Variants in TLN2 observed in about 807,000 individuals in gnomAD.
TLN2 encodes the protein talin-2.
In TLN2, 118 loss-of-function variants were observed where a neutral mutation model predicts 294.7. That is an observed-to-expected ratio of 0.40 (90% CI 0.34 to 0.47). The LOEUF is 0.47. Ranked by LOEUF, TLN2 falls within the 20% of genes least tolerant of loss-of-function variation. The pLI, the probability that TLN2 is intolerant of heterozygous loss-of-function variation, is 0.84. For missense variants in TLN2, 3,083 were observed against 3,282.2 expected (o/e 0.94, Z 1.48); for synonymous variants, 1,431 against 1,304.5 (o/e 1.10, Z -2.09).
chr15:62,635,051 G>C (rs1468337578), intron 3 of TLN2, among the ~76,000 whole-genome samples: 1 of 152,168 alleles, frequency 6.6e-6, no homozygotes, highest in African/African-American at 2.4e-5. Context: ...TGGATGGCAG[G>C]ATGGTTCTGT....
intron 9 of TLN2, among the ~76,000 whole-genome samples, chr15:62,667,861 T>C (rs1383347698): frequency 1.3e-5 from 2 of 152,244 alleles, no homozygotes; most frequent in Non-Finnish European, 2.9e-5. Flanking sequence ...TGAAATAATA[T>C]TTAGCCTTAA....
intron 1 of TLN2, among the ~76,000 whole-genome samples, chr15:62,502,439 T>C (rs9920757): frequency 0.014 from 2,162 of 152,208 alleles, 57 homozygotes; most frequent in African/African-American, 0.049. Context: ...GGGAGGGGAG[T>C]CAGCCAGGGT....
chr15:62,418,445 C>G (rs1380630072), intron 1 of TLN2, among the ~76,000 whole-genome samples: 1 of 152,198 alleles, frequency 6.6e-6, no homozygotes, highest in Non-Finnish European at 1.5e-5. Flanking sequence ...TCTGTTGTCA[C>G]TGCCCAGAAT....
At chr15:62,393,519 TC>T (rs1177451321) in intron 1 of TLN2, among the ~76,000 whole-genome samples, 1 of 152,126 alleles carries the variant, frequency 6.6e-6, no homozygotes, top group Non-Finnish European at 1.5e-5. Flanking sequence ...TGATTTCCCC[TC>T]CTTCACCCCT....
intron 1 of TLN2, among the ~76,000 whole-genome samples, chr15:62,551,444 G>A (rs2042297552): frequency 6.6e-6 from 1 of 152,022 alleles, no homozygotes; most frequent in Admixed American, 6.6e-5. Flanking sequence ...GGCCGAGACA[G>A]GCAGATCATG....
chr15:62,755,775 T>G (rs2062210953), intron 37 of TLN2, 82 bp downstream of exon 37: 3 of 1,530,328 alleles, frequency 2.0e-6, no homozygotes, highest in Non-Finnish European at 2.7e-6. Flanking sequence ...TAAGCTCCAC[T>G]CCTCTCCTTG....
chr15:62,406,136 A>G (rs2033386171), intron 1 of TLN2, among the ~76,000 whole-genome samples: 1 of 152,192 alleles, frequency 6.6e-6, no homozygotes, highest in African/African-American at 2.4e-5. Flanking sequence ...CTGCTGTAAC[A>G]AAGTACCACA....
chr15:62,517,951 A>C (rs1298189256), intron 1 of TLN2, among the ~76,000 whole-genome samples: 1 of 152,172 alleles, frequency 6.6e-6, no homozygotes, highest in African/African-American at 2.4e-5. Context: ...TAATGATTTT[A>C]CTTAGCCATA....
chr15:62,400,287 C>G (rs1488936300), intron 1 of TLN2, among the ~76,000 whole-genome samples: 3 of 152,192 alleles, frequency 2.0e-5, no homozygotes, highest in Non-Finnish European at 4.4e-5. Flanking sequence ...ATCAATTACC[C>G]AGTCTTGGAT....
At chr15:62,780,144 C>T (rs983392519) in intron 43 of TLN2, among the ~76,000 whole-genome samples, 2 of 152,210 alleles carry the variant, frequency 1.3e-5, no homozygotes, top group African/African-American at 4.8e-5. Context: ...ACAGCCCCCT[C>T]CTGTTCAGGT....
chr15:62,663,256 A>G (rs919373727), intron 9 of TLN2, among the ~76,000 whole-genome samples: 2 of 152,224 alleles, frequency 1.3e-5, no homozygotes, highest in African/African-American at 4.8e-5. Flanking sequence ...AAAGAATTTC[A>G]TAAAATAAAA....
rs896301849 is a variant in TLN2 at position 62,752,220 on chromosome 15, A to T, written c.4210-85A>T. ...AATGTTCCAAATTAAGTTGCCTTGA[A>T]TATTAAAGTTGGAGTGTAGCCTCCT... On this transcript the variant is annotated intron_variant, in intron 34 of 58. Coordinates refer to ENST00000636159, the MANE Select transcript of TLN2 (RefSeq NM_015059.3). 4.6e-6 allele frequency: 7 copies of T among 1,508,912 alleles called. No individual in the cohort carries two copies. The African/African-American group carries it at 9.8e-5, about 21-fold the overall frequency. 93.5% of individuals were successfully genotyped at this position (1,508,912 alleles called of 1,614,324 possible). A position where few individuals can be genotyped will look rare whatever the true frequency, so the allele number is the denominator to read the frequency against.
At chr15:62,715,787 G>C (rs373094833) in intron 22 of TLN2, among the ~76,000 whole-genome samples, 1 of 152,226 alleles carries the variant, frequency 6.6e-6, no homozygotes, top group Admixed American at 6.5e-5. Context: ...TAATTTCTGG[G>C]CATGGTCTTT....
At chr15:62,740,359 C>T in intron 31 of TLN2, 1 of 355,508 alleles carries the variant, frequency 2.8e-6, no homozygotes, top group Non-Finnish European at 5.1e-6. Flanking sequence ...CCGCTTAATG[C>T]CTCTAGTTGT....
chr15:62,499,396 G>C (rs2039186416), intron 1 of TLN2, among the ~76,000 whole-genome samples: 1 of 152,176 alleles, frequency 6.6e-6, no homozygotes, highest in South Asian at 2.1e-4. Context: ...GTTGAGGTGA[G>C]CTGAGATTGC....
rs115826703 is a variant in TLN2 at position 62,480,701 on chromosome 15, G to A, written c.-238+90016G>A. Among the ~76,000 whole-genome samples the A allele has an allele frequency of 7.0e-3, 1,069 of 152,216 alleles. 16 individuals carry two copies. The highest frequency in any genetic ancestry group is 0.024 in the African/African-American group (1,017 of 41,538). On this transcript the variant is annotated intron_variant, in intron 1 of 58. Coordinates refer to ENST00000636159, the MANE Select transcript of TLN2 (RefSeq NM_015059.3). ...AGTGCTTCCAGTCTTCTGGTCCTGC[G>A]TTGCATGCCCTACGTTACCACACTT...
chr15:62,646,648 A>T (rs77677110), intron 3 of TLN2, among the ~76,000 whole-genome samples: 1 of 152,092 alleles, frequency 6.6e-6, no homozygotes, highest in Admixed American at 6.5e-5. Flanking sequence ...TTGGGATTCT[A>T]TTTTATGCAC....
intron 1 of TLN2, among the ~76,000 whole-genome samples, chr15:62,495,460 C>G (rs2038967011): frequency 6.6e-6 from 1 of 152,124 alleles, no homozygotes; most frequent in Admixed American, 6.5e-5. Flanking sequence ...ATGGCATTTC[C>G]AAGATTAGGG....
intron 28 of TLN2, among the ~76,000 whole-genome samples, chr15:62,730,788 G>T (rs891748616): frequency 6.6e-6 from 1 of 152,120 alleles, no homozygotes; most frequent in Non-Finnish European, 1.5e-5. Context: ...CCAGCAGTGT[G>T]CCTGGAGGAG....
Sources: allele counts gnomAD v4.1 joint callset (sites outside exome capture counted in the v4.1 genomes callset), GRCh38; gene constraint gnomAD v4.1.1; transcripts MANE v1.5; gene names NCBI Gene and HGNC (gene_info 2026-07-23, HGNC 2026-07-21).